The following RGS21 variants were observed in gnomAD, a reference collection of about 807,000 sequenced individuals.
The protein encoded by RGS21 is regulator of G protein signaling 21, also known as regulator of G-protein signalling 21.
In RGS21, 19 loss-of-function variants were observed where a neutral mutation model predicts 18.7. That is an observed-to-expected ratio of 1.01 (90% CI 0.71 to 1.49). The LOEUF is 1.49. Among genes scored for constraint, RGS21 ranks in the 40% most tolerant of loss-of-function variants. The pLI is 0.00. For synonymous variants in RGS21, 56 were observed against 57.8 expected (o/e 0.97, Z 0.14); for missense variants, 194 against 176.8 (o/e 1.10, Z -0.55).
intron 1 of RGS21, among the ~76,000 whole-genome samples, chr1:192,337,001 ATAAACT>A (rs1243644241): frequency 1.3e-5 from 2 of 152,132 alleles, no homozygotes; most frequent in Non-Finnish European, 2.9e-5. Flanking sequence ...ACATAATTAA[ATAAACT>A]TTAATTTATA....
At chr1:192,360,115 C>T (rs904884005) in intron 4 of RGS21, among the ~76,000 whole-genome samples, 2 of 152,012 alleles carry the variant, frequency 1.3e-5, no homozygotes, top group Non-Finnish European at 2.9e-5. Context: ...ACTCACTCTC[C>T]TGATGATCTC....
chr1:192,333,750 G>A (rs1332543220), intron 1 of RGS21, among the ~76,000 whole-genome samples: 1 of 150,478 alleles, frequency 6.6e-6, no homozygotes, highest in Non-Finnish European at 1.5e-5. Flanking sequence ...GAATAGTTCT[G>A]TGTCTTGACT....
At chr1:192,346,435 T>C (rs1658945267) in intron 2 of RGS21, among the ~76,000 whole-genome samples, 1 of 152,130 alleles carries the variant, frequency 6.6e-6, no homozygotes, top group Non-Finnish European at 1.5e-5. Flanking sequence ...AACTTTAAAT[T>C]GGACCCTCTC....
intron 2 of RGS21, among the ~76,000 whole-genome samples, chr1:192,346,156 T>G (rs1277474015): frequency 1.3e-5 from 2 of 152,046 alleles, no homozygotes; most frequent in Non-Finnish European, 2.9e-5. Flanking sequence ...AATGAATTCT[T>G]AGCTACAGTG....
chr1:192,321,558 T>C (rs1016384264), intron 1 of RGS21, among the ~76,000 whole-genome samples: 2 of 151,996 alleles, frequency 1.3e-5, no homozygotes, highest in African/African-American at 4.8e-5. Flanking sequence ...ACTACAAAAG[T>C]AAATAAATTA....
At chr1:192,363,660 C>A (rs187857954) in intron 4 of RGS21, among the ~76,000 whole-genome samples, 1 of 152,206 alleles carries the variant, frequency 6.6e-6, no homozygotes, top group Admixed American at 6.5e-5. Flanking sequence ...TTGCTTCTAG[C>A]AGGAAAATAA....
intron 4 of RGS21, among the ~76,000 whole-genome samples, chr1:192,362,981 A>T (rs930307626): frequency 4.6e-5 from 7 of 152,158 alleles, no homozygotes; most frequent in Non-Finnish European, 7.4e-5. Flanking sequence ...TCCACACATA[A>T]ACTTCAATGC....
chr1:192,364,247 G>C (rs1224382872), intron 4 of RGS21, among the ~76,000 whole-genome samples: 1 of 152,060 alleles, frequency 6.6e-6, no homozygotes, highest in African/African-American at 2.4e-5. Context: ...TTTGGCACTT[G>C]TTCTGGAACT....
chr1:192,325,933 G>A (rs903449248), intron 1 of RGS21, among the ~76,000 whole-genome samples: 5 of 152,018 alleles, frequency 3.3e-5, no homozygotes, highest in African/African-American at 1.2e-4. Context: ...ACTGGAGACA[G>A]ATCCTGCAGA....
At chr1:192,333,628 CAAAAAAAAAA>C (rs376989840) in intron 1 of RGS21, among the ~76,000 whole-genome samples, 26,424 of 103,000 alleles carry the variant, frequency 0.26, 1,931 homozygotes, top group African/African-American at 0.27. Flanking sequence ...CTCAAAATGA[CAAAAAAAAAA>C]AAAAAAAAAA....
At chr1:192,341,122 G>C (rs182078833) in intron 1 of RGS21, among the ~76,000 whole-genome samples, 2 of 151,988 alleles carry the variant, frequency 1.3e-5, no homozygotes, top group East Asian at 3.9e-4. Context: ...ACGTTCCTTG[G>C]CTCTTAACCC....
chr1:192,355,024 G>A (rs1659092326), intron 4 of RGS21, among the ~76,000 whole-genome samples: 2 of 151,528 alleles, frequency 1.3e-5, no homozygotes, highest in Admixed American at 1.3e-4. Flanking sequence ...AATTTCAGCT[G>A]GATTTTATGT....
At chr1:192,335,113 G>A (rs190252616) in intron 1 of RGS21, among the ~76,000 whole-genome samples, 6 of 152,224 alleles carry the variant, frequency 3.9e-5, no homozygotes, top group African/African-American at 1.2e-4. Context: ...TGGGTCATCA[G>A]GATGAAGCTT....
intron 4 of RGS21, among the ~76,000 whole-genome samples, chr1:192,353,559 T>C (rs1040421732): frequency 2.6e-5 from 4 of 151,874 alleles, no homozygotes; most frequent in African/African-American, 7.2e-5. Context: ...TATGAATTCA[T>C]CTAATTAATA....
At chr1:192,323,925 AT>A (rs1168792304) in intron 1 of RGS21, among the ~76,000 whole-genome samples, 1 of 113,096 alleles carries the variant, frequency 8.8e-6, no homozygotes, top group African/African-American at 4.2e-5. Flanking sequence ...TAAGAAATGT[AT>A]TCAAAAAAAG....
At chr1:192,332,144 AAG>A (rs1181933753) in intron 1 of RGS21, among the ~76,000 whole-genome samples, 1 of 152,148 alleles carries the variant, frequency 6.6e-6, no homozygotes, top group Admixed American at 6.5e-5. Context: ...AAAATAATGA[AAG>A]AAGAATTCCA....
intron 1 of RGS21, among the ~76,000 whole-genome samples, chr1:192,335,233 C>T (rs1658750835): frequency 6.6e-6 from 1 of 152,114 alleles, no homozygotes; most frequent in Admixed American, 6.6e-5. Context: ...CCTTTCTCCA[C>T]CACTTAAACT....
intron 4 of RGS21, among the ~76,000 whole-genome samples, chr1:192,352,783 A>G (rs1388240309): frequency 1.3e-5 from 2 of 152,016 alleles, no homozygotes; most frequent in African/African-American, 2.4e-5. Flanking sequence ...AGCCTTGGGG[A>G]GAAACCTGCA....
intron 1 of RGS21, among the ~76,000 whole-genome samples, chr1:192,326,439 T>C (rs1017406974): frequency 6.6e-6 from 1 of 152,106 alleles, no homozygotes; most frequent in Non-Finnish European, 1.5e-5. Flanking sequence ...ATATGGTTAA[T>C]AATATTTACC....
Sources: allele counts gnomAD v4.1 joint callset (sites outside exome capture counted in the v4.1 genomes callset), GRCh38; gene constraint gnomAD v4.1.1; transcripts MANE v1.5; gene names NCBI Gene and HGNC (gene_info 2026-07-23, HGNC 2026-07-21).